The following EPHB2 variants were observed in gnomAD, a reference collection of about 807,000 sequenced individuals.
EPHB2 encodes the protein ephrin type-B receptor 2.
Under a neutral mutation model 96.4 loss-of-function variants are expected in EPHB2, and 18 were observed. That is an observed-to-expected ratio of 0.19 (90% confidence interval 0.13 to 0.28). The LOEUF is 0.28. Ranked by LOEUF, EPHB2 falls within the 10% of genes least tolerant of loss-of-function variation. The pLI, the probability that EPHB2 is intolerant of heterozygous loss-of-function variation, is 1.00. For synonymous variants in EPHB2, 506 were observed against 534.1 expected, an observed-to-expected ratio of 0.95 and a Z score of 0.72; for missense variants, 989 against 1,355.4, an observed-to-expected ratio of 0.73 and a Z score of 4.25.
chr1:22,912,438 C>G lies in EPHB2; in HGVS notation c.2697-6C>G. The G allele has an allele frequency of 6.2e-7, 1 of 1,614,002 alleles. No individual in the cohort carries two copies. The highest frequency in any genetic ancestry group is 8.5e-7 in the Non-Finnish European group (1 of 1,180,032). ...GACCATCTCTGTCGCCCACCCCCAA[C>G]CCCAGCATCAACCTGCCGCTGCTGG... On this transcript the variant is annotated splice_polypyrimidine_tract_variant and splice_region_variant and intron_variant, in intron 14 of 15. Transcript: ENST00000374630.
Position 22,918,869 on chromosome 1 carries a change from A to T in EPHB2, c.*5299A>T, listed in dbSNP as rs923399224. 6.6e-6 allele frequency: 1 copy of T among 152,214 alleles called. No individual in the cohort carries two copies. Among genetic ancestry groups the T allele is most frequent in the Non-Finnish European group, 1.5e-5 (1 of 68,044 alleles). The allele number at this position is 152,214 out of a possible 1,614,324, so 9.4% of individuals were successfully genotyped here. On this transcript the variant is annotated 3_prime_UTR_variant, in exon 16 of 16. Coordinates refer to ENST00000374630, the MANE Select transcript of EPHB2 (RefSeq NM_017449.5). The surrounding 1 kb of genome is among the most constrained non-coding windows in gnomAD (Gnocchi z 4.2). ...AATACTTACCATATGCCAGGTGCCA[A>T]AGCATTATCCTCTCCACTTTATGAG... is the stretch of plus-strand genomic sequence containing the variant.
chr1:22,913,799 C>T lies in EPHB2; in HGVS notation c.*229C>T, dbSNP rs563585033. On this transcript the variant is annotated 3_prime_UTR_variant, in exon 16 of 16. Coordinates refer to ENST00000374630, the MANE Select transcript of EPHB2 (RefSeq NM_017449.5). The surrounding 1 kb of genome is among the most constrained non-coding windows in gnomAD (Gnocchi z 4.1). ...AAAGAAAACAGATCCTGGGAGGGGGCGGGAAATACAAGGAATATTTTTTAA... is the reference window on the plus strand; with the variant it reads ...AAAGAAAACAGATCCTGGGAGGGGGTGGGAAATACAAGGAATATTTTTTAA... 17 of 1,609,080 alleles carry T rather than the reference C, an allele frequency of 1.1e-5. No individual in the cohort carries two copies. Among genetic ancestry groups the T allele is most frequent in the Admixed American group, 5.1e-5 (3 of 59,220 alleles).
At position 22,781,449 on chromosome 1, in the gene EPHB2, T is replaced by G. The variant is rs755724832; in HGVS notation, c.90T>G (p.Thr30=). ...EETLMDSTTA[T]AELGWMVHPP... is the part of the protein sequence containing the mutation. ...CGCTAATGGACTCCACTACAGCGAC[T>G]GCTGAGCTGGGCTGGATGGTGCATC... The change falls in exon 2 of 16, where the codon ACT becomes ACG. Residue 30 remains threonine, a synonymous_variant. Coordinates refer to ENST00000374630, the MANE Select transcript of EPHB2 (RefSeq NM_017449.5). The G allele has an allele frequency of 2.5e-6, 4 of 1,614,128 alleles. No individual in the cohort carries two copies. Among genetic ancestry groups the G allele is most frequent in the East Asian group, 2.2e-5 (1 of 44,876 alleles).
At chr1:22,912,240 A>G (rs1640125683) in intron 14 of EPHB2, among the ~76,000 whole-genome samples, 1 of 152,190 alleles carries the variant, frequency 6.6e-6, no homozygotes, top group African/African-American at 2.4e-5. Context: ...TCGCATGCTC[A>G]CATATATATG....
chr1:22,762,480 C>A (rs1456430420), intron 1 of EPHB2, among the ~76,000 whole-genome samples: 1 of 152,096 alleles, frequency 6.6e-6, no homozygotes, highest in Non-Finnish European at 1.5e-5. Context: ...AAGCCAGGAA[C>A]CCCTCTGGGC....
intron 3 of EPHB2, among the ~76,000 whole-genome samples, chr1:22,851,703 C>T (rs1645627901): frequency 6.6e-6 from 1 of 152,162 alleles, no homozygotes; most frequent in African/African-American, 2.4e-5. Context: ...ACTCTCCAGC[C>T]TCATCTCCTT....
chr1:22,865,002 T>G lies in EPHB2; in HGVS notation c.1093T>G (p.Cys365Gly). 1 of 1,610,996 alleles carries G rather than the reference T, an allele frequency of 6.2e-7. No homozygotes were observed. Among genetic ancestry groups the G allele is most frequent in the African/African-American group, 1.3e-5 (1 of 75,000 alleles). ...CGTCTACAACATCATCTGCAAGAGCTGTGGCTCGGGCCGGGGTGCCTGCAC... is the reference window on the plus strand; with the variant it reads ...CGTCTACAACATCATCTGCAAGAGCGGTGGCTCGGGCCGGGGTGCCTGCAC... ...DLVYNIICKSCGSGRGACTRC... is the reference protein window; with the variant it reads ...DLVYNIICKSGGSGRGACTRC... The change falls in exon 5 of 16, where the codon TGT becomes GGT. Residue 365 changes from cysteine (C) to glycine (G), a missense_variant. Physicochemically the swap from Cys to Gly is radical, Grantham distance 159 (BLOSUM62 -3). Coordinates refer to ENST00000374630, the MANE Select transcript of EPHB2 (RefSeq NM_017449.5).
chr1:22,763,726 G>A (rs1045316101), intron 1 of EPHB2, among the ~76,000 whole-genome samples: 10 of 152,144 alleles, frequency 6.6e-5, no homozygotes, highest in East Asian at 3.9e-4. Flanking sequence ...AAAACAAGAC[G>A]CATTTATTGT....
chr1:22,908,548 C>T (rs188159513), intron 12 of EPHB2, among the ~76,000 whole-genome samples: 14 of 152,346 alleles, frequency 9.2e-5, no homozygotes, highest in South Asian at 2.1e-4. Context: ...TGAGCAGTCA[C>T]GCTGGAGAGG....
In EPHB2 at chr1:22,895,557, T is replaced by G. The variant is rs755238021; in HGVS notation, c.1677T>G (p.Val559=). 6.2e-7 allele frequency: 1 copy of G among 1,614,240 alleles called. No individual in the cohort carries two copies. The highest frequency in any genetic ancestry group is 8.5e-7 in the Non-Finnish European group (1 of 1,180,034). Residue 559 remains valine, a synonymous_variant, in exon 8 of 16, where the codon GTT becomes GTG. Transcript: ENST00000374630. The part of the protein sequence containing the change: ...AAGLVFLIAV[V]VIAIVCNRRG... ...GCCTGGTCTTCCTCATTGCTGTGGTTGTCATCGCCATCGTGTGTAACAGGT... is the reference window on the plus strand; with the variant it reads ...GCCTGGTCTTCCTCATTGCTGTGGTGGTCATCGCCATCGTGTGTAACAGGT...
At chr1:22,859,824 G>C (rs1645765148) in intron 3 of EPHB2, among the ~76,000 whole-genome samples, 1 of 152,074 alleles carries the variant, frequency 6.6e-6, no homozygotes, top group South Asian at 2.1e-4. Flanking sequence ...CAAATCAGTG[G>C]TTTCTAGTGT....
In EPHB2 at chr1:22,714,527, T is replaced by TG. The variant is rs539235353; in HGVS notation, c.61+3489dup. Among the ~76,000 whole-genome samples, 15 of 151,990 alleles carry TG rather than the reference T, an allele frequency of 9.9e-5. No individual in the cohort carries two copies. The South Asian group carries it at 2.9e-3, about 30-fold the overall frequency. On this transcript the variant is annotated intron_variant, in intron 1 of 15. Coordinates refer to ENST00000374630, the MANE Select transcript of EPHB2 (RefSeq NM_017449.5). ...GGAGGGTGGGTGTTGAGGGCAGCAGTGGGGGTTGAGACTGAGAATGGGAGT... is the reference window on the plus strand; with the variant it reads ...GGAGGGTGGGTGTTGAGGGCAGCAGTGGGGGGTTGAGACTGAGAATGGGAGT...
At chr1:22,782,656 G>A (rs1644551899) in intron 2 of EPHB2, among the ~76,000 whole-genome samples, 1 of 152,140 alleles carries the variant, frequency 6.6e-6, no homozygotes, top group Non-Finnish European at 1.5e-5. Context: ...CAGGGCCTCC[G>A]CATGTTAATT....
At chr1:22,824,952 C>T (rs1011744897) in intron 3 of EPHB2, among the ~76,000 whole-genome samples, 1 of 152,228 alleles carries the variant, frequency 6.6e-6, no homozygotes, top group Non-Finnish European at 1.5e-5. Flanking sequence ...GGCTCCTCTG[C>T]AGCCCTGCGG....
chr1:22,764,544 G>A (rs1557660440), intron 1 of EPHB2, among the ~76,000 whole-genome samples: 3 of 152,154 alleles, frequency 2.0e-5, no homozygotes, highest in Non-Finnish European at 2.9e-5. Context: ...CCAGGAGTTC[G>A]AAACCAGCCT....
At position 22,919,749 on chromosome 1, in the gene EPHB2, T is replaced by TG. The variant is rs1640351449; in HGVS notation, c.*6184dup. On this transcript the variant is annotated 3_prime_UTR_variant, in exon 16 of 16. Transcript: ENST00000374630. ...TCACAGCCAGGACCACATACACTCTTGGGGGCCCTGCTGAGACTGCAAGAG... is the reference window on the plus strand; with the variant it reads ...TCACAGCCAGGACCACATACACTCTTGGGGGGCCCTGCTGAGACTGCAAGAG... 1 of 152,216 alleles carries TG rather than the reference T, an allele frequency of 6.6e-6. No individual in the cohort carries two copies. Among genetic ancestry groups the TG allele is most frequent in the African/African-American group, 2.4e-5 (1 of 41,410 alleles). 9.4% of individuals were successfully genotyped at this position (152,216 alleles called of 1,614,324 possible).
chr1:22,911,543 G>A (rs977645083), intron 14 of EPHB2, among the ~76,000 whole-genome samples: 4 of 152,146 alleles, frequency 2.6e-5, no homozygotes, highest in African/African-American at 9.7e-5. Flanking sequence ...TGGGGACCTG[G>A]TGCCTCCCTT....
At chr1:22,781,913 GT>G (rs1644538531) in intron 2 of EPHB2, among the ~76,000 whole-genome samples, 1 of 152,154 alleles carries the variant, frequency 6.6e-6, no homozygotes, top group Non-Finnish European at 1.5e-5. Context: ...GCTCAGAAAG[GT>G]GTAGCCACCT....
intron 6 of EPHB2, among the ~76,000 whole-genome samples, chr1:22,887,533 C>T (rs1459816474): frequency 6.6e-6 from 1 of 152,230 alleles, no homozygotes; most frequent in African/African-American, 2.4e-5. Context: ...CCAAGCCCCA[C>T]TGGGATTTCC....
Sources: gnomAD v4.1 joint callset for allele counts (sites outside exome capture counted in the v4.1 genomes callset) on GRCh38, gnomAD v4.1.1 for gene constraint, Gnocchi (gnomAD v3.1) non-coding constraint, MANE v1.5 for transcripts, NCBI Gene and HGNC (gene_info 2026-07-23, HGNC 2026-07-21) for gene names.